RYR3: variants seen among roughly 807,000 people sequenced by gnomAD.
The protein encoded by RYR3 is ryanodine receptor 3, also known as brain ryanodine receptor-calcium release channel.
Under a neutral mutation model 584.3 loss-of-function variants are expected in RYR3, and 207 were observed. The ratio of observed to expected loss-of-function variants is 0.35; its 90% CI spans 0.32 to 0.40. RYR3 has a LOEUF of 0.40. Ranked by LOEUF, RYR3 falls within the 10% of genes least tolerant of loss-of-function variation. RYR3 has a pLI of 1.00. For missense variants in RYR3, 5,616 were observed against 6,089.2 expected (o/e 0.92, Z 2.59); for synonymous variants, 2,416 against 2,248.5 (o/e 1.07, Z -2.11).
rs569577742 is a variant in RYR3 at position 33,372,655 on chromosome 15, A to T, written c.51+61559A>T. On this transcript the variant is annotated intron_variant, in intron 1 of 103. Transcript: ENST00000634891. ...GCTGGGATTACAGGCGTGAGCCACC[A>T]CGCCCGGCCCCAGCTAATTTTTTGT... Among the ~76,000 whole-genome samples, 14 of 151,624 alleles carry T rather than the reference A, an allele frequency of 9.2e-5. No homozygotes were observed. In the East Asian group the frequency reaches 2.7e-3, roughly 30 times the overall value.
chr15:33,360,318 A>G (rs996035705), intron 1 of RYR3, among the ~76,000 whole-genome samples: 2 of 151,736 alleles, frequency 1.3e-5, no homozygotes, highest in African/African-American at 4.8e-5. Flanking sequence ...CCTGCTTTCT[A>G]TCACTATAGA....
intron 38 of RYR3, among the ~76,000 whole-genome samples, chr15:33,693,601 G>T (rs963885146): frequency 6.6e-6 from 1 of 152,216 alleles, no homozygotes; most frequent in Non-Finnish European, 1.5e-5. Flanking sequence ...AAATTAGCGT[G>T]GCAAGTTGCC....
chr15:33,456,723 G>A (rs12324553), intron 1 of RYR3, among the ~76,000 whole-genome samples: 9,626 of 152,198 alleles, frequency 0.063, 1,018 homozygotes, highest in African/African-American at 0.21. Flanking sequence ...CTAGAGATGA[G>A]TGTTACTTTC....
intron 57 of RYR3, among the ~76,000 whole-genome samples, chr15:33,753,860 A>G (rs2071558403): frequency 6.6e-6 from 1 of 152,224 alleles, no homozygotes; most frequent in Non-Finnish European, 1.5e-5. Flanking sequence ...ACTTGCTCAC[A>G]GCAATGAAAA....
At chr15:33,698,264 G>A (rs1414510359) in intron 40 of RYR3, among the ~76,000 whole-genome samples, 1 of 152,222 alleles carries the variant, frequency 6.6e-6, no homozygotes. Flanking sequence ...GTATTCGGCA[G>A]CCCTGCTCTT....
intron 82 of RYR3, 37 bp downstream of exon 82, chr15:33,825,713 T>A: frequency 9.4e-7 from 1 of 1,062,328 alleles, no homozygotes; most frequent in Non-Finnish European, 1.4e-6. Context: ...ATTCTCTTCC[T>A]GATTAAAATC....
intron 50 of RYR3, among the ~76,000 whole-genome samples, chr15:33,738,859 C>G (rs1329644590): frequency 6.6e-6 from 1 of 152,216 alleles, no homozygotes; most frequent in African/African-American, 2.4e-5. Flanking sequence ...GTGAATTCCA[C>G]ACAGATCATC....
At chr15:33,578,198 G>A (rs1418922321) in intron 12 of RYR3, among the ~76,000 whole-genome samples, 1 of 152,182 alleles carries the variant, frequency 6.6e-6, no homozygotes, top group Non-Finnish European at 1.5e-5. Flanking sequence ...ATACAGTGTA[G>A]CAATTCCTCA....
chr15:33,830,780 G>A, intron 85 of RYR3, 183 bp from the exon 86 acceptor site: 1 of 510,532 alleles, frequency 2.0e-6, no homozygotes. Context: ...CCTCTGCAGG[G>A]ATATTTGTGC....
chr15:33,530,767 A>C, intron 4 of RYR3, 101 bp downstream of exon 4: 1 of 845,872 alleles, frequency 1.2e-6, no homozygotes, highest in Non-Finnish European at 2.0e-6. Context: ...AGCAGGAACA[A>C]TTGGAACATA....
chr15:33,665,187 G>T (rs563581484), intron 36 of RYR3, among the ~76,000 whole-genome samples: 1 of 152,218 alleles, frequency 6.6e-6, no homozygotes. Flanking sequence ...AAGATACAAT[G>T]ACATGGTGAT....
At chr15:33,725,154 TACACACACAC>T (rs58951939) in intron 45 of RYR3, among the ~76,000 whole-genome samples, 20,722 of 113,748 alleles carry the variant, frequency 0.18, 1,708 homozygotes, top group Non-Finnish European at 0.19. Context: ...TCCAACACCT[TACACACACAC>T]ACACACACAC....
At chr15:33,395,805 C>G (rs1383951665) in intron 1 of RYR3, among the ~76,000 whole-genome samples, 1 of 152,154 alleles carries the variant, frequency 6.6e-6, no homozygotes, top group Non-Finnish European at 1.5e-5. Context: ...CTTCACTTAG[C>G]CCTCTGTAGT....
intron 1 of RYR3, among the ~76,000 whole-genome samples, chr15:33,330,866 C>A (rs1032371028): frequency 2.0e-4 from 30 of 152,136 alleles, no homozygotes; most frequent in African/African-American, 7.0e-4. Flanking sequence ...TCACAGGATT[C>A]TCTTAAGCCA....
chr15:33,777,998 C>T (rs2074123260), intron 64 of RYR3, among the ~76,000 whole-genome samples: 2 of 151,900 alleles, frequency 1.3e-5, no homozygotes, highest in Admixed American at 6.6e-5. Flanking sequence ...GGTGACGCTT[C>T]GTCTCTACCA....
intron 3 of RYR3, 117 bp downstream of exon 3, chr15:33,503,855 A>T (rs1392585006): frequency 7.7e-6 from 5 of 650,816 alleles, no homozygotes; most frequent in Non-Finnish European, 1.4e-5. Flanking sequence ...GATGATTCAT[A>T]TGGAGATAGT....
At chr15:33,373,815 T>C (rs1487953173) in intron 1 of RYR3, among the ~76,000 whole-genome samples, 2 of 152,184 alleles carry the variant, frequency 1.3e-5, no homozygotes, top group Admixed American at 1.3e-4. Flanking sequence ...AAGTAGCAGG[T>C]ATGAATGAGA....
intron 19 of RYR3, among the ~76,000 whole-genome samples, chr15:33,619,220 C>A (rs142910575): frequency 1.3e-5 from 2 of 151,948 alleles, no homozygotes; most frequent in Non-Finnish European, 2.9e-5. Flanking sequence ...TGTGGTGGAA[C>A]GGATTAAATA....
chr15:33,772,941 G>A (rs900801905), intron 63 of RYR3, among the ~76,000 whole-genome samples: 1 of 152,186 alleles, frequency 6.6e-6, no homozygotes, highest in Non-Finnish European at 1.5e-5. Flanking sequence ...ACATGGCTAG[G>A]GATGTGTAGC....
Sources: allele counts gnomAD v4.1 joint callset (sites outside exome capture counted in the v4.1 genomes callset), GRCh38; gene constraint gnomAD v4.1.1; transcripts MANE v1.5; gene names NCBI Gene and HGNC (gene_info 2026-07-23, HGNC 2026-07-21).